EYS: variants seen among roughly 807,000 people sequenced by gnomAD.
The protein encoded by EYS is protein eyes shut homolog.
In EYS, 250 loss-of-function variants were observed where a neutral mutation model predicts 282.1. That is an observed-to-expected ratio of 0.89 (90% CI 0.80 to 0.98). The LOEUF (loss-of-function observed/expected upper bound fraction) is 0.98, where lower values mean the gene tolerates loss of function less well. EYS is among the 50% of genes least tolerant of loss of function. The probability of loss-of-function intolerance (pLI) is 0.00; values close to 1 mark genes in which losing one functional copy is unlikely to be tolerated. For synonymous variants in EYS, 1,355 were observed against 1,282.9 expected, an observed-to-expected ratio of 1.06 and a Z score of -1.20; for missense variants, 4,016 against 3,709.0, an observed-to-expected ratio of 1.08 and a Z score of -2.15.
At chr6:64,417,524 C>T (rs960239127) in intron 28 of EYS, among the ~76,000 whole-genome samples, 3 of 151,994 alleles carry the variant, frequency 2.0e-5, no homozygotes, top group Non-Finnish European at 4.4e-5. Context: ...TGAATAATGA[C>T]AAGTTTCTGA....
chr6:64,815,180 T>A (rs747015386), intron 21 of EYS: 2 of 438,696 alleles, frequency 4.6e-6, no homozygotes, highest in African/African-American at 4.1e-5. Context: ...GAACTAAGTA[T>A]GTTTTTATAA....
At chr6:63,826,845 C>CAAAAAAAAAAAAAAAAAAAAAGAAAAAA (rs59957107) in intron 36 of EYS, among the ~76,000 whole-genome samples, 1 of 76,760 alleles carries the variant, frequency 1.3e-5, no homozygotes, top group Non-Finnish European at 2.5e-5. Flanking sequence ...AGTTAAAAAG[C>CAAAAAAAAAAAAAAAAAAAAAGAAAAAA]AAAAAAAAAA....
chr6:64,146,331 G>T (rs973799371), intron 31 of EYS, among the ~76,000 whole-genome samples: 6 of 152,134 alleles, frequency 3.9e-5, no homozygotes, highest in African/African-American at 1.4e-4. Context: ...AAGTGTGTGG[G>T]TTTATTTAAG....
chr6:64,621,825 C>T (rs1490883985), intron 23 of EYS, among the ~76,000 whole-genome samples: 1 of 152,136 alleles, frequency 6.6e-6, no homozygotes. Context: ...CAGTGACTGT[C>T]CCAGGGATTG....
chr6:64,902,275 T>C (rs1767692151), intron 17 of EYS, 55 bp from the exon 18 acceptor site: 2 of 1,382,774 alleles, frequency 1.4e-6, no homozygotes, highest in Non-Finnish European at 2.0e-6. Context: ...AAATCAATGC[T>C]TCAACTAATT....
intron 36 of EYS, among the ~76,000 whole-genome samples, chr6:63,828,542 C>A (rs1265420185): frequency 6.6e-6 from 1 of 152,080 alleles, no homozygotes; most frequent in Non-Finnish European, 1.5e-5. Context: ...CAATAACAAG[C>A]AGCGAGAATG....
intron 13 of EYS, among the ~76,000 whole-genome samples, chr6:65,055,225 CT>C (rs1201031489): frequency 6.6e-6 from 1 of 152,048 alleles, no homozygotes; most frequent in African/African-American, 2.4e-5. Flanking sequence ...TCAAGCAATC[CT>C]TTTGCCTCAA....
At chr6:64,660,846 C>T (rs544137792) in intron 22 of EYS, among the ~76,000 whole-genome samples, 17 of 152,172 alleles carry the variant, frequency 1.1e-4, no homozygotes, top group African/African-American at 3.9e-4. Context: ...CCATCCCCAT[C>T]AAGCTACCAA....
chr6:63,964,200 T>A (rs1284141520), intron 35 of EYS, among the ~76,000 whole-genome samples: 2 of 152,172 alleles, frequency 1.3e-5, no homozygotes, highest in Non-Finnish European at 2.9e-5. Context: ...TATGTTCACA[T>A]CAGAATAAAC....
At chr6:64,239,485 G>C (rs980508797) in intron 30 of EYS, among the ~76,000 whole-genome samples, 1 of 152,040 alleles carries the variant, frequency 6.6e-6, no homozygotes, top group African/African-American at 2.4e-5. Flanking sequence ...GGTTTGATTT[G>C]CATTTCTCTA....
chr6:63,882,495 C>T (rs1773157599), intron 35 of EYS, among the ~76,000 whole-genome samples: 1 of 152,196 alleles, frequency 6.6e-6, no homozygotes, highest in East Asian at 1.9e-4. Flanking sequence ...TTCATTCATT[C>T]ACCCACTCAA....
intron 8 of EYS, 22 bp from the exon 9 acceptor site, chr6:65,353,639 A>C: frequency 6.3e-7 from 1 of 1,599,010 alleles, no homozygotes; most frequent in Non-Finnish European, 8.6e-7. Flanking sequence ...AAACAAGGAA[A>C]AATGGTAAAT....
At chr6:65,401,350 T>C (rs894087608) in intron 7 of EYS, among the ~76,000 whole-genome samples, 1 of 150,838 alleles carries the variant, frequency 6.6e-6, no homozygotes, top group African/African-American at 2.4e-5. Context: ...GAGTTAGCAA[T>C]TTTTTTTTAA....
intron 2 of EYS, among the ~76,000 whole-genome samples, chr6:65,602,384 T>C (rs530923661): frequency 6.6e-6 from 1 of 152,118 alleles, no homozygotes; most frequent in East Asian, 1.9e-4. Flanking sequence ...TCATGAAATT[T>C]AATTTTTTAC....
chr6:64,902,255 T>A lies in EYS; in HGVS notation c.2739-35A>T. 9 of 1,434,330 alleles carry A rather than the reference T, an allele frequency of 6.3e-6. No homozygotes were observed. In the South Asian group the frequency reaches 1.2e-4, roughly 18 times the overall value. 88.9% of individuals were successfully genotyped at this position (1,434,330 alleles called of 1,614,324 possible). A position where few individuals can be genotyped will look rare whatever the true frequency, so the allele number is the denominator to read the frequency against. On this transcript the variant is annotated intron_variant, in intron 17 of 42. Transcript: ENST00000503581. ...AAAAAATTTAGTAACTCCATTAGTA[T>A]ATATGTATAAAATCAATGCTTCAAC...
At chr6:65,203,131 C>T (rs1765944677) in intron 12 of EYS, among the ~76,000 whole-genome samples, 1 of 152,160 alleles carries the variant, frequency 6.6e-6, no homozygotes, top group Non-Finnish European at 1.5e-5. Context: ...GTAAAAATTC[C>T]ACTGCCACCA....
chr6:64,092,690 C>T (rs1772413808), intron 31 of EYS, among the ~76,000 whole-genome samples: 1 of 151,670 alleles, frequency 6.6e-6, no homozygotes, highest in African/African-American at 2.4e-5. Context: ...AAATTTTCTC[C>T]CATTTTGTAG....
At chr6:65,620,143 T>C (rs187636239) in intron 2 of EYS, among the ~76,000 whole-genome samples, 11 of 152,310 alleles carry the variant, frequency 7.2e-5, no homozygotes, top group Admixed American at 7.2e-4. Context: ...CAGCTCCTCC[T>C]TGTACCTCTG....
chr6:65,681,615 A>C (rs1480526551), intron 1 of EYS, among the ~76,000 whole-genome samples: 1 of 151,940 alleles, frequency 6.6e-6, no homozygotes, highest in African/African-American at 2.4e-5. Flanking sequence ...TGCTAGCAGA[A>C]GACATGAGAC....
Sources: allele counts gnomAD v4.1 joint callset (sites outside exome capture counted in the v4.1 genomes callset), GRCh38; gene constraint gnomAD v4.1.1; transcripts MANE v1.5; gene names NCBI Gene and HGNC (gene_info 2026-07-23, HGNC 2026-07-21).